Variants in DGKG observed in about 807,000 individuals in gnomAD.
DGKG encodes DAG kinase gamma.
DGKG carries 78 observed loss-of-function variants against 105.3 expected under a neutral mutation model. The observed-to-expected ratio is 0.74, with a 90% confidence interval of 0.62 to 0.89. The LOEUF (loss-of-function observed/expected upper bound fraction) is 0.89, where lower values mean the gene tolerates loss of function less well. DGKG is among the 40% of genes least tolerant of loss of function. The pLI, the probability that DGKG is intolerant of heterozygous loss-of-function variation, is 0.00. For missense variants in DGKG, 958 were observed against 1,020.1 expected (o/e 0.94, Z 0.83); for synonymous variants, 346 against 367.1 (o/e 0.94, Z 0.66).
chr3:186,193,239 C>A (rs75537704), intron 21 of DGKG, among the ~76,000 whole-genome samples: 5 of 152,206 alleles, frequency 3.3e-5, no homozygotes, highest in Admixed American at 3.3e-4. Flanking sequence ...GGCTTGAAGG[C>A]AGAGAGACAT....
chr3:186,308,724 G>A (rs1279535029), intron 2 of DGKG, among the ~76,000 whole-genome samples: 3 of 152,190 alleles, frequency 2.0e-5, no homozygotes, highest in Non-Finnish European at 2.9e-5. Context: ...TAAGAGCCAG[G>A]CAGCAGATGC....
At chr3:186,267,386 A>C (rs1181774541) in intron 13 of DGKG, among the ~76,000 whole-genome samples, 1 of 152,326 alleles carries the variant, frequency 6.6e-6, no homozygotes, top group East Asian at 1.9e-4. Flanking sequence ...TCAAGCACAT[A>C]CTGAAAGCAC....
At chr3:186,260,579 T>C in intron 15 of DGKG, 66 bp from the exon 16 acceptor site, 1 of 1,274,604 alleles carries the variant, frequency 7.8e-7, no homozygotes, top group Non-Finnish European at 1.1e-6. Context: ...TCGTGAGAAG[T>C]CACATTAGGG....
At chr3:186,154,644 C>CA (rs60767699) in intron 24 of DGKG, among the ~76,000 whole-genome samples, 2,802 of 38,490 alleles carry the variant, frequency 0.073, 74 homozygotes, top group African/African-American at 0.12. Flanking sequence ...GACTCTGTCT[C>CA]AAAAAAAAAA....
rs1225040317 is a variant in DGKG at position 186,280,798 on chromosome 3, A to T, written c.595-54T>A. On this transcript the variant is annotated intron_variant, in intron 7 of 24. Transcript: ENST00000265022. ...AAAAGGAGACAACCAGAGATGTGTC[A>T]TTAAGAGCCGAACTCAAAATTAAGC... 3 of 1,499,280 alleles carry T rather than the reference A, an allele frequency of 2.0e-6. No homozygotes were observed. The African/African-American group carries it at 4.1e-5, about 21-fold the overall frequency. 92.9% of individuals were successfully genotyped at this position (1,499,280 alleles called of 1,614,324 possible).
At chr3:186,164,778 A>T in intron 23 of DGKG, 120 bp downstream of exon 23, 1 of 1,218,488 alleles carries the variant, frequency 8.2e-7, no homozygotes, top group East Asian at 2.4e-5. Context: ...TACAAACATT[A>T]TCAAGCTTTT....
At chr3:186,316,258 A>C (rs1259207467) in intron 2 of DGKG, among the ~76,000 whole-genome samples, 4 of 152,212 alleles carry the variant, frequency 2.6e-5, no homozygotes, top group Non-Finnish European at 5.9e-5. Context: ...TCAGCACACA[A>C]GTTTTGAAGT....
At chr3:186,174,548 C>T (rs1716981432) in intron 22 of DGKG, among the ~76,000 whole-genome samples, 2 of 152,148 alleles carry the variant, frequency 1.3e-5, no homozygotes, top group African/African-American at 2.4e-5. Flanking sequence ...TGACTTGCCC[C>T]TCTGGCAAGT....
intron 20 of DGKG, among the ~76,000 whole-genome samples, chr3:186,223,011 C>CTATATATATATATATATATATAGATATA (rs1719667236): frequency 2.5e-5 from 2 of 80,524 alleles, no homozygotes; most frequent in Admixed American, 1.7e-4. Context: ...TGTATGTATA[C>CTATATATATATATATATATATAGATATA]TATATATATA....
intron 3 of DGKG, among the ~76,000 whole-genome samples, chr3:186,300,963 T>C (rs991156930): frequency 1.3e-5 from 2 of 152,252 alleles, no homozygotes; most frequent in Non-Finnish European, 2.9e-5. Context: ...GCTTGCTCCC[T>C]GAAAACCAGC....
intron 2 of DGKG, among the ~76,000 whole-genome samples, chr3:186,319,791 T>C (rs1356262490): frequency 1.3e-5 from 2 of 152,142 alleles, no homozygotes; most frequent in African/African-American, 4.8e-5. Context: ...TGCACTGAAT[T>C]GGTTCTGGGG....
At chr3:186,166,134 T>C (rs531388214) in intron 22 of DGKG, among the ~76,000 whole-genome samples, 109 of 152,340 alleles carry the variant, frequency 7.2e-4, no homozygotes, top group African/African-American at 2.6e-3. Flanking sequence ...AACTATTGTT[T>C]AAAAAACAAT....
chr3:186,270,335 G>T (rs1420038073), intron 11 of DGKG, among the ~76,000 whole-genome samples: 1 of 152,110 alleles, frequency 6.6e-6, no homozygotes, highest in African/African-American at 2.4e-5. Context: ...TCACCATGTT[G>T]CCCCGGCTGG....
intron 20 of DGKG, among the ~76,000 whole-genome samples, chr3:186,219,997 C>T (rs1452610908): frequency 6.6e-6 from 1 of 152,144 alleles, no homozygotes; most frequent in Non-Finnish European, 1.5e-5. Flanking sequence ...GAGCTGCTGT[C>T]AATATGTCTT....
At chr3:186,281,733 A>G (rs1313173528) in intron 7 of DGKG, among the ~76,000 whole-genome samples, 1 of 152,224 alleles carries the variant, frequency 6.6e-6, no homozygotes. Flanking sequence ...AGAAGTTCCA[A>G]AAGAAAAGAG....
chr3:186,221,272 G>T (rs566914172), intron 20 of DGKG, among the ~76,000 whole-genome samples: 1 of 152,240 alleles, frequency 6.6e-6, no homozygotes, highest in South Asian at 2.1e-4. Flanking sequence ...TGATGGCCTG[G>T]GTCTCCAGGG....
chr3:186,159,372 C>T (rs1326338099), intron 24 of DGKG: 1 of 152,060 alleles, frequency 6.6e-6, no homozygotes, highest in East Asian at 1.9e-4. Flanking sequence ...CAATGAGAAA[C>T]TTCACATATC....
At position 186,327,417 on chromosome 3, in the gene DGKG, C is replaced by A. The variant is rs114507256; in HGVS notation, c.-248-6710G>T. Among the ~76,000 whole-genome samples the A allele has an allele frequency of 7.9e-3, 1,103 of 138,886 alleles. 19 individuals are homozygous for A. Among genetic ancestry groups the A allele is most frequent in the African/African-American group, 0.028 (1,036 of 37,132 alleles). 91.1% of individuals were successfully genotyped at this position (138,886 alleles called of 152,430 possible). The stretch of plus-strand genomic sequence containing the variant: ...TTTTTTTTTTTTTGAGGCGTGGTTT[C>A]TCTCTGTCACCCATGCTGGAGAGCA... On this transcript the variant is annotated intron_variant, in intron 1 of 24. Coordinates refer to ENST00000265022, the MANE Select transcript of DGKG (RefSeq NM_001346.3).
rs530280513 is a variant in DGKG at position 186,192,317 on chromosome 3, C to T, written c.1918-3938G>A. Among the ~76,000 whole-genome samples the T allele has an allele frequency of 1.8e-3, 268 of 152,272 alleles. 1 individual carries two copies. The highest frequency in any genetic ancestry group is 5.4e-3 in the African/African-American group (223 of 41,558). ...AGCCACCGGGCCTGGCCCACATTTT[C>T]TTTTATCCTTATCACCCTCTAGATG... On this transcript the variant is annotated intron_variant, in intron 21 of 24. Coordinates refer to ENST00000265022, the MANE Select transcript of DGKG (RefSeq NM_001346.3).
Sources: allele counts gnomAD v4.1 joint callset (sites outside exome capture counted in the v4.1 genomes callset), GRCh38; gene constraint gnomAD v4.1.1; transcripts MANE v1.5; gene names NCBI Gene and HGNC (gene_info 2026-07-23, HGNC 2026-07-21).